MEIS2: variants seen among roughly 807,000 people sequenced by gnomAD.
MEIS2 encodes homeobox protein Meis2.
MEIS2 carries 9 observed loss-of-function variants against 58.6 expected under a neutral mutation model. That is an observed-to-expected ratio of 0.15 (90% CI 0.09 to 0.27). MEIS2 has a LOEUF of 0.27. Ranked by LOEUF, MEIS2 falls within the 10% of genes least tolerant of loss-of-function variation. The pLI is 1.00. For missense variants in MEIS2, 427 were observed against 635.0 expected, an observed-to-expected ratio of 0.67 and a Z score of 3.52; for synonymous variants, 221 against 228.4, an observed-to-expected ratio of 0.97 and a Z score of 0.29.
chr15:37,042,630 A>G (rs2062476081), intron 7 of MEIS2, among the ~76,000 whole-genome samples: 1 of 152,190 alleles, frequency 6.6e-6, no homozygotes, highest in Admixed American at 6.5e-5. Flanking sequence ...GATCCAAACA[A>G]TGCTTGATTC....
At chr15:36,995,502 A>G (rs920949403) in intron 8 of MEIS2, among the ~76,000 whole-genome samples, 2 of 151,850 alleles carry the variant, frequency 1.3e-5, no homozygotes, top group African/African-American at 4.8e-5. Flanking sequence ...TTGTTCTTCA[A>G]AAAAGAAATT....
chr15:36,893,242 T>C (rs1271292962), intron 11 of MEIS2, among the ~76,000 whole-genome samples: 1 of 152,226 alleles, frequency 6.6e-6, no homozygotes, highest in Non-Finnish European at 1.5e-5. Flanking sequence ...ACCTGTTTAT[T>C]GAATTAAGGT....
chr15:37,094,686 G>T, intron 4 of MEIS2, 109 bp from the exon 5 acceptor site: 2 of 800,508 alleles, frequency 2.5e-6, no homozygotes, highest in Non-Finnish European at 2.0e-6. Context: ...CTGGGGAGAA[G>T]AAACGGGCAG....
chr15:37,099,823 G>C lies in MEIS2; in HGVS notation c.-357C>G, dbSNP rs1596145734. 1.5e-5 allele frequency: 3 copies of C among 200,674 alleles called. No individual in the cohort carries two copies. The South Asian group carries it at 4.5e-4, about 30-fold the overall frequency. The allele number at this position is 200,674 out of a possible 1,614,324, so 12.4% of individuals were successfully genotyped here. ...CAGTTGGAAAAAAAAAGAAAGAAAAGAAAAAGAAGAAAAAGAAGAAAAAAA... is the reference window on the plus strand; with the variant it reads ...CAGTTGGAAAAAAAAAGAAAGAAAACAAAAAGAAGAAAAAGAAGAAAAAAA... On this transcript the variant is annotated 5_prime_UTR_variant, in exon 1 of 12. Coordinates refer to ENST00000561208, the MANE Select transcript of MEIS2 (RefSeq NM_170675.5).
At chr15:37,084,637 C>G (rs1388839445) in intron 6 of MEIS2, among the ~76,000 whole-genome samples, 1 of 152,050 alleles carries the variant, frequency 6.6e-6, no homozygotes, top group African/African-American at 2.4e-5. Flanking sequence ...AGTGCTTTTT[C>G]CTAGAAGAAC....
intron 8 of MEIS2, among the ~76,000 whole-genome samples, chr15:36,997,021 T>C (rs1455869321): frequency 1.3e-5 from 2 of 152,172 alleles, no homozygotes; most frequent in Non-Finnish European, 2.9e-5. Flanking sequence ...GAAGGGTGAA[T>C]TCAAACAGCC....
chr15:36,918,412 A>G (rs1401600868), intron 9 of MEIS2, among the ~76,000 whole-genome samples: 1 of 128,328 alleles, frequency 7.8e-6, no homozygotes, highest in Non-Finnish European at 1.9e-5. Flanking sequence ...CTGAAGATGC[A>G]ATGTGAAGTC....
intron 10 of MEIS2, among the ~76,000 whole-genome samples, chr15:36,896,301 A>C (rs2056172981): frequency 6.6e-6 from 1 of 152,210 alleles, no homozygotes; most frequent in Non-Finnish European, 1.5e-5. Flanking sequence ...GTAACAGAAA[A>C]ATGAGAGTGT....
intron 8 of MEIS2, among the ~76,000 whole-genome samples, chr15:36,952,607 CTGTGTGTGTGTGTG>C (rs59061267): frequency 5.0e-5 from 7 of 140,094 alleles, no homozygotes; most frequent in South Asian, 2.5e-4. Flanking sequence ...GTCTCTCTCT[CTGTGTGTGTGTGTG>C]TGTGTGTGTG....
At chr15:37,058,010 C>T (rs1022325055) in intron 7 of MEIS2, among the ~76,000 whole-genome samples, 1 of 152,146 alleles carries the variant, frequency 6.6e-6, no homozygotes, top group African/African-American at 2.4e-5. Flanking sequence ...TACCGGGGAT[C>T]AATGTTGGTG....
chr15:36,970,482 C>T (rs1037308), intron 8 of MEIS2, among the ~76,000 whole-genome samples: 122,727 of 151,742 alleles, frequency 0.81, 49,934 homozygotes, highest in South Asian at 0.88. Context: ...AATTAAAGAG[C>T]GCCAATATTT....
chr15:37,023,303 A>T (rs889206619), intron 8 of MEIS2, among the ~76,000 whole-genome samples: 1 of 151,994 alleles, frequency 6.6e-6, no homozygotes, highest in African/African-American at 2.4e-5. Context: ...AAATTAGTAA[A>T]TTTCTTTCTA....
At chr15:37,000,815 A>C (rs1461104456) in intron 8 of MEIS2, among the ~76,000 whole-genome samples, 1 of 152,162 alleles carries the variant, frequency 6.6e-6, no homozygotes, top group Non-Finnish European at 1.5e-5. Flanking sequence ...GAAGCAAAAA[A>C]CAAGCAACTT....
chr15:37,080,161 A>G (rs1316182977), intron 7 of MEIS2, among the ~76,000 whole-genome samples: 1 of 152,176 alleles, frequency 6.6e-6, no homozygotes, highest in African/African-American at 2.4e-5. Context: ...TCATATTGGC[A>G]CATCAAAATA....
At chr15:36,912,220 C>T (rs1165808397) in intron 9 of MEIS2, among the ~76,000 whole-genome samples, 2 of 152,158 alleles carry the variant, frequency 1.3e-5, no homozygotes, top group Non-Finnish European at 2.9e-5. Context: ...CCACAGCAAC[C>T]ATGGAGTGGC....
At chr15:36,916,318 G>A (rs1210767602) in intron 9 of MEIS2, among the ~76,000 whole-genome samples, 3 of 151,554 alleles carry the variant, frequency 2.0e-5, no homozygotes, top group African/African-American at 4.9e-5. Flanking sequence ...TCCCAACTAC[G>A]CAGGAGGCTG....
intron 8 of MEIS2, among the ~76,000 whole-genome samples, chr15:36,986,445 G>A (rs2060095301): frequency 6.6e-6 from 1 of 152,190 alleles, no homozygotes; most frequent in African/African-American, 2.4e-5. Context: ...TCCTTCCTGT[G>A]CTCTTAATGT....
At chr15:37,027,637 A>G (rs2061750605) in intron 8 of MEIS2, among the ~76,000 whole-genome samples, 1 of 152,160 alleles carries the variant, frequency 6.6e-6, no homozygotes, top group South Asian at 2.1e-4. Flanking sequence ...ATTTTTAAAC[A>G]ATTATACTTC....
chr15:37,000,772 G>A (rs866042297), intron 8 of MEIS2, among the ~76,000 whole-genome samples: 3 of 152,036 alleles, frequency 2.0e-5, no homozygotes, highest in Middle Eastern at 3.4e-3. Flanking sequence ...GTTTACAAAC[G>A]TGCATGAGCA....
Sources: gnomAD v4.1 joint callset for allele counts (sites outside exome capture counted in the v4.1 genomes callset) on GRCh38, gnomAD v4.1.1 for gene constraint, MANE v1.5 for transcripts, NCBI Gene and HGNC (gene_info 2026-07-23, HGNC 2026-07-21) for gene names.